Variants in KLF13 observed in about 807,000 individuals in gnomAD.
The protein encoded by KLF13 is KLF transcription factor 13, also known as Krueppel-like factor 13.
Under a neutral mutation model 16.7 loss-of-function variants are expected in KLF13, and 8 were observed. The observed-to-expected ratio is 0.48, with a 90% confidence interval of 0.28 to 0.87. The LOEUF (loss-of-function observed/expected upper bound fraction) is 0.87, where lower values mean the gene tolerates loss of function less well. KLF13 is among the 40% of genes least tolerant of loss of function. The pLI, the probability that KLF13 is intolerant of heterozygous loss-of-function variation, is 0.10. For synonymous variants in KLF13, 245 were observed against 208.4 expected (o/e 1.18, Z -1.51); for missense variants, 447 against 452.2 (o/e 0.99, Z 0.10).
chr15:31,354,878 A>T (rs2039275773), intron 1 of KLF13, among the ~76,000 whole-genome samples: 1 of 152,186 alleles, frequency 6.6e-6, no homozygotes, highest in African/African-American at 2.4e-5. Context: ...TCAGTGCCTT[A>T]CATCTTCAAA....
intron 1 of KLF13, chr15:31,340,109 T>C (rs2038997224): frequency 2.9e-6 from 2 of 695,294 alleles, no homozygotes; most frequent in African/African-American, 3.5e-5. Flanking sequence ...GGGTCTCGTC[T>C]TCGTTGTAGG....
intron 1 of KLF13, among the ~76,000 whole-genome samples, chr15:31,419,647 A>G (rs938985272): frequency 6.6e-6 from 1 of 152,228 alleles, no homozygotes; most frequent in African/African-American, 2.4e-5. Context: ...AAGGATTAGT[A>G]AAAGTGAAGA....
chr15:31,426,697 G>C (rs921341237), intron 1 of KLF13, among the ~76,000 whole-genome samples: 1 of 152,168 alleles, frequency 6.6e-6, no homozygotes, highest in Non-Finnish European at 1.5e-5. Flanking sequence ...TTAATTTTAT[G>C]TGTCACCTTG....
chr15:31,364,766 C>A lies in KLF13; in HGVS notation c.578-7244C>A, dbSNP rs545503063. 4.6e-5 allele frequency among the ~76,000 whole-genome samples: 7 copies of A among 152,386 alleles called. No individual in the cohort carries two copies. In the East Asian group the frequency reaches 1.3e-3, roughly 29 times the overall value. On this transcript the variant is annotated intron_variant, in intron 1 of 1. Transcript: ENST00000307145. ...CTCCTCCTGGGCCTCACTTCCCTTACCTGCTCAGTGGGTGGGTAAGAGCTT... is the reference window on the plus strand; with the variant it reads ...CTCCTCCTGGGCCTCACTTCCCTTAACTGCTCAGTGGGTGGGTAAGAGCTT...
chr15:31,393,959 A>C (rs2039914748), intron 2 of KLF13, among the ~76,000 whole-genome samples: 1 of 152,168 alleles, frequency 6.6e-6, no homozygotes, highest in Non-Finnish European at 1.5e-5. Flanking sequence ...TTGCCCTTGC[A>C]TCTCAGGGGG....
In KLF13 at chr15:31,327,249, G is replaced by T; in HGVS notation, c.37G>T (p.Glu13Ter). The change falls in exon 1 of 2, where the codon GAG becomes TAG. Residue 13 changes from glutamate (E) to a stop codon, truncating the protein, a stop_gained. Transcript: ENST00000307145. LOFTEE classifies it high-confidence loss of function. ...AAAYVDHFAA[E>*]CLVSMSSRAV... is the part of the protein sequence containing the mutation. ...CGCCTATGTGGACCACTTCGCCGCC[G>T]AGTGCCTCGTGTCCATGTCGAGCCG... The T allele has an allele frequency of 7.2e-7, 1 of 1,379,498 alleles. No individual in the cohort carries two copies. 85.5% of individuals were successfully genotyped at this position (1,379,498 alleles called of 1,614,324 possible).
chr15:31,404,497 T>C (rs2040086620), exon 3 of KLF13: 1 of 152,240 alleles, frequency 6.6e-6, no homozygotes. Flanking sequence ...CAGTGCTTTG[T>C]AAAGTGGACC....
downstream of KLF13, among the ~76,000 whole-genome samples, chr15:31,405,762 C>A (rs918305922): frequency 1.3e-5 from 2 of 152,150 alleles, no homozygotes; most frequent in African/African-American, 4.8e-5. Flanking sequence ...ACCCCGGAAC[C>A]ACAAAGGGGA....
At chr15:31,398,204 A>G (rs2039982343) in intron 2 of KLF13, among the ~76,000 whole-genome samples, 1 of 152,302 alleles carries the variant, frequency 6.6e-6, no homozygotes, top group South Asian at 2.1e-4. Flanking sequence ...TGGTGTTTTC[A>G]GAGATTCTCC....
chr15:31,327,629 C>G lies in KLF13; in HGVS notation c.417C>G (p.Pro139=), dbSNP rs753772017. 2.9e-6 allele frequency: 4 copies of G among 1,367,824 alleles called. No individual in the cohort carries two copies. The highest frequency in any genetic ancestry group is 3.8e-6 in the Non-Finnish European group (4 of 1,044,264). The allele number at this position is 1,367,824 out of a possible 1,614,324, so 84.7% of individuals were successfully genotyped here. A position where few individuals can be genotyped will look rare whatever the true frequency, so the allele number is the denominator to read the frequency against. The part of the protein sequence containing the change: ...AGLEPEREPG[P]AGSGEPGLRQ... The stretch of plus-strand genomic sequence containing the variant: ...TGGAGCCCGAGCGGGAGCCGGGGCC[C>G]GCGGGGAGCGGCGAGCCCGGCCTCA... The change falls in exon 1 of 2, where the codon CCC becomes CCG. Residue 139 remains proline (P), a synonymous_variant. Transcript: ENST00000307145.
intron 1 of KLF13, among the ~76,000 whole-genome samples, chr15:31,362,596 G>T (rs958656353): frequency 1.3e-5 from 2 of 152,238 alleles, no homozygotes; most frequent in African/African-American, 4.8e-5. Context: ...TTTCTAGTTT[G>T]CTATGGATTT....
At chr15:31,393,441 C>G (rs2039904757) in intron 1 of KLF13, 3 of 148,152 alleles carry the variant, frequency 2.0e-5, no homozygotes, top group Middle Eastern at 3.2e-3. Context: ...CCGTCCCCCT[C>G]AGACCTAGGA....
At chr15:31,358,347 T>G (rs1019993328) in intron 1 of KLF13, among the ~76,000 whole-genome samples, 19 of 152,258 alleles carry the variant, frequency 1.2e-4, no homozygotes, top group African/African-American at 4.1e-4. Flanking sequence ...CCCAAGTGGC[T>G]GGTCAGCTCC....
chr15:31,396,856 G>T (rs1296658119), intron 2 of KLF13, among the ~76,000 whole-genome samples: 2 of 152,122 alleles, frequency 1.3e-5, no homozygotes, highest in Non-Finnish European at 2.9e-5. Flanking sequence ...TTTGGGAAAG[G>T]GATGTTACAG....
chr15:31,429,029 G>A (rs1369612353), intron 1 of KLF13, among the ~76,000 whole-genome samples: 1 of 152,070 alleles, frequency 6.6e-6, no homozygotes, highest in Admixed American at 6.6e-5. Flanking sequence ...AAAATGCAAG[G>A]CTCCTTGCTC....
rs963777186 is a variant in KLF13, at chr15:31,327,477, G to A, written c.265G>A (p.Ala89Thr). Residue 89 changes from alanine to threonine, a missense_variant, in exon 1 of 2, where the codon GCC (alanine) becomes ACC (threonine). Ala to Thr is a moderately conservative substitution (Grantham distance 58). Coordinates refer to ENST00000307145, the MANE Select transcript of KLF13 (RefSeq NM_015995.4). The part of the protein sequence containing the change: ...APAERREGAA[A>T]RKARTPCRLP... ...GGCGGAGCGCAGGGAGGGCGCCGCG[G>A]CCCGGAAGGCGAGGACCCCCTGCCG... 4 of 1,205,306 alleles carry A rather than the reference G, an allele frequency of 3.3e-6. No homozygotes were observed. The highest frequency in any genetic ancestry group is 4.1e-6 in the Non-Finnish European group (4 of 971,228). 74.7% of individuals were successfully genotyped at this position (1,205,306 alleles called of 1,614,324 possible). A position where few individuals can be genotyped will look rare whatever the true frequency, so the allele number is the denominator to read the frequency against.
chr15:31,418,309 ATCCATTTG>A (rs1157660027), intron 1 of KLF13, among the ~76,000 whole-genome samples: 1 of 152,172 alleles, frequency 6.6e-6, no homozygotes, highest in African/African-American at 2.4e-5. Flanking sequence ...AAAACAAAAT[ATCCATTTG>A]AAGAAATCAG....
rs1264767480 is a variant in KLF13, at chr15:31,374,633, C to T, written c.*2334C>T. The stretch of plus-strand genomic sequence containing the variant: ...ATTCCAAAGTCCTTTGGTGCACTCA[C>T]CGTCCACCGTTCCCCAAGGCAGGGA... On this transcript the variant is annotated 3_prime_UTR_variant, in exon 2 of 2. Transcript: ENST00000307145. 1 of 152,318 alleles carries T rather than the reference C, an allele frequency of 6.6e-6. No individual in the cohort carries two copies. Among genetic ancestry groups the T allele is most frequent in the African/African-American group, 2.4e-5 (1 of 41,358 alleles). The allele number at this position is 152,318 out of a possible 1,614,324, so 9.4% of individuals were successfully genotyped here.
At chr15:31,423,093 AT>A (rs2040349331) in intron 1 of KLF13, among the ~76,000 whole-genome samples, 3 of 143,820 alleles carry the variant, frequency 2.1e-5, no homozygotes, top group Non-Finnish European at 4.5e-5. Flanking sequence ...ATATATACGT[AT>A]ATATACGTAT....
Sources: allele counts gnomAD v4.1 joint callset (sites outside exome capture counted in the v4.1 genomes callset), GRCh38; gene constraint gnomAD v4.1.1; transcripts MANE v1.5; gene names NCBI Gene and HGNC (gene_info 2026-07-23, HGNC 2026-07-21).